The following PTPN18 variants were observed in gnomAD, a reference collection of about 807,000 sequenced individuals.
PTPN18 encodes protein tyrosine phosphatase non-receptor type 18.
PTPN18 carries 65 observed loss-of-function variants against 65.4 expected under a neutral mutation model. That is an observed-to-expected ratio of 0.99 (90% CI 0.81 to 1.22). PTPN18 has a LOEUF of 1.22. Among genes scored for constraint, PTPN18 ranks in the 50% most tolerant of loss-of-function variants. The probability of loss-of-function intolerance (pLI) is 0.00; values close to 1 mark genes in which losing one functional copy is unlikely to be tolerated. For synonymous variants in PTPN18, 255 were observed against 267.8 expected, an observed-to-expected ratio of 0.95 and a Z score of 0.47; for missense variants, 616 against 646.5, an observed-to-expected ratio of 0.95 and a Z score of 0.51.
chr2:130,372,785 C>A, intron 13 of PTPN18, 88 bp from the exon 14 acceptor site: 2 of 1,490,700 alleles, frequency 1.3e-6, no homozygotes, highest in Non-Finnish European at 9.2e-7. Flanking sequence ...CCCCTTCGGG[C>A]CTCCGGGGAA....
At chr2:130,369,917 C>T in intron 7 of PTPN18, 90 bp downstream of exon 7, 1 of 1,539,430 alleles carries the variant, frequency 6.5e-7, no homozygotes, top group Admixed American at 1.7e-5. Flanking sequence ...CTAGTACCCA[C>T]TTCCTCAGTT....
Position 130,356,162 on chromosome 2 carries a change from G to A in PTPN18, c.55G>A (p.Gly19Ser). 1.5e-6 allele frequency: 2 copies of A among 1,314,520 alleles called. No individual in the cohort carries two copies. Among genetic ancestry groups the A allele is most frequent in the Non-Finnish European group, 1.9e-6 (2 of 1,036,566 alleles). 81.4% of individuals were successfully genotyped at this position (1,314,520 alleles called of 1,614,324 possible). A position where few individuals can be genotyped will look rare whatever the true frequency, so the allele number is the denominator to read the frequency against. The change falls in exon 1 of 15, where the codon GGC becomes AGC. Residue 19 changes from glycine (G) to serine (S), a missense_variant. This residue lies in a region of PTPN18 where 223 missense variants were observed against 210.0 expected (regional missense o/e 1.06). Transcript: ENST00000175756. ...RSFLERLEAR[G>S]GREGAVLAGE... ...CTTCCTGGAGCGGCTGGAAGCGCGGGGCGGCCGGGAGGGGGCAGTCCTCGC... is the reference window on the plus strand; with the variant it reads ...CTTCCTGGAGCGGCTGGAAGCGCGGAGCGGCCGGGAGGGGGCAGTCCTCGC...
chr2:130,368,565 C>G (rs959224548), intron 5 of PTPN18, among the ~76,000 whole-genome samples: 1 of 152,160 alleles, frequency 6.6e-6, no homozygotes, highest in Non-Finnish European at 1.5e-5. Flanking sequence ...GTAAGTTATT[C>G]TTGCCTGGCC....
rs57039741 is a variant in PTPN18 at position 130,367,050 on chromosome 2, ATTT to A, written c.415-2057_415-2055del. On this transcript the variant is annotated intron_variant, in intron 5 of 14. Transcript: ENST00000175756. The stretch of plus-strand genomic sequence containing the variant: ...TTGCCAACACACCTAGCTAATTTTA[ATTT>A]TTTTTTTTTTTTTTTTTTTTTTTTT... Among the ~76,000 whole-genome samples, 453 of 104,172 alleles carry A rather than the reference ATTT, an allele frequency of 4.3e-3. 4 individuals carry two copies. Among genetic ancestry groups the A allele is most frequent in the African/African-American group, 0.014 (376 of 27,810 alleles). The allele number at this position is 104,172 out of a possible 152,430, so 68.3% of individuals were successfully genotyped here.
chr2:130,361,557 TCTTTCTTTC>T lies in PTPN18; in HGVS notation c.414+1939_414+1947del, dbSNP rs1553458554. Among the ~76,000 whole-genome samples the T allele has an allele frequency of 6.4e-4, 50 of 78,560 alleles. No individual in the cohort carries two copies. In the South Asian group the frequency reaches 0.013, roughly 20 times the overall value. 51.5% of individuals were successfully genotyped at this position (78,560 alleles called of 152,430 possible). On this transcript the variant is annotated intron_variant, in intron 5 of 14. Transcript: ENST00000175756. ...TTCTTTCTTTCTTTCTTTCTTTCTT[TCTTTCTTTC>T]CTTTCTTTCCTTTCTTTCCTTTCTT...
intron 5 of PTPN18, chr2:130,362,221 C>T (rs1048099281): frequency 2.4e-5 from 11 of 465,022 alleles, no homozygotes; most frequent in Non-Finnish European, 4.4e-5. Context: ...CCTTCCACCT[C>T]GGCCTCCCAA....
In PTPN18 at chr2:130,375,142, CTGGTGAGG is replaced by C. The variant is rs1169469486; in HGVS notation, c.*1920_*1927del. ...CCCTGCCACTCCTGTGAGCCTGCTG[CTGGTGAGG>C]TCGGTGCTGACCTCTGTGTTGCTGG... On this transcript the variant is annotated 3_prime_UTR_variant, in exon 15 of 15. Coordinates refer to ENST00000175756, the MANE Select transcript of PTPN18 (RefSeq NM_014369.4). The C allele has an allele frequency of 5.7e-6, 1 of 175,240 alleles. No homozygotes were observed. Among genetic ancestry groups the C allele is most frequent in the Non-Finnish European group, 1.2e-5 (1 of 82,004 alleles). The allele number at this position is 175,240 out of a possible 1,614,324, so 10.9% of individuals were successfully genotyped here.
At chr2:130,372,699 C>G in intron 13 of PTPN18, 174 bp from the exon 14 acceptor site, 1 of 972,500 alleles carries the variant, frequency 1.0e-6, no homozygotes, top group Non-Finnish European at 1.5e-6. Context: ...CCTGGCAATA[C>G]TTGTCTTGGC....
Position 130,373,340 on chromosome 2 carries a change from C to T in PTPN18, c.*116C>T, listed in dbSNP as rs1311737444. 4 of 1,122,438 alleles carry T rather than the reference C, an allele frequency of 3.6e-6. No homozygotes were observed. Among genetic ancestry groups the T allele is most frequent in the Non-Finnish European group, 4.9e-6 (4 of 812,066 alleles). 69.5% of individuals were successfully genotyped at this position (1,122,438 alleles called of 1,614,324 possible). The stretch of plus-strand genomic sequence containing the variant: ...TGGGCCTGGATCAAAGTTAAAGTTT[C>T]TCAGGGTGGGAAATGTGGGGGCTTT... On this transcript the variant is annotated 3_prime_UTR_variant, in exon 15 of 15. Coordinates refer to ENST00000175756, the MANE Select transcript of PTPN18 (RefSeq NM_014369.4). This position sits in a 1 kb window ranked among gnomAD's most constrained non-coding sequence, Gnocchi z 4.1.
At chr2:130,356,394 C>G (rs912386222) in intron 1 of PTPN18, among the ~76,000 whole-genome samples, 194 bp downstream of exon 1, 1 of 152,192 alleles carries the variant, frequency 6.6e-6, no homozygotes, top group Non-Finnish European at 1.5e-5. Context: ...TCTCTGCCCC[C>G]CGGCCCCGGA....
intron 5 of PTPN18, among the ~76,000 whole-genome samples, chr2:130,367,936 CTTTTTCATT>C (rs1680438195): frequency 6.6e-6 from 1 of 152,012 alleles, no homozygotes; most frequent in South Asian, 2.1e-4. Context: ...AGAACTGATT[CTTTTTCATT>C]TTTTTCATTT....
chr2:130,369,034 C>A, intron 5 of PTPN18, 99 bp from the exon 6 acceptor site: 1 of 1,005,742 alleles, frequency 9.9e-7, no homozygotes, highest in Non-Finnish European at 1.5e-6. Flanking sequence ...GCCTGTGCTT[C>A]CACCACGAGC....
At chr2:130,368,725 G>C (rs1489482802) in intron 5 of PTPN18, among the ~76,000 whole-genome samples, 1 of 152,088 alleles carries the variant, frequency 6.6e-6, no homozygotes, top group Non-Finnish European at 1.5e-5. Flanking sequence ...TTGCCTCCTT[G>C]AGCCATGGTC....
At chr2:130,370,419 C>G in intron 8 of PTPN18, 138 bp from the exon 9 acceptor site, 2 of 1,191,500 alleles carry the variant, frequency 1.7e-6, no homozygotes, top group Non-Finnish European at 2.4e-6. Context: ...TTTCCTTGTT[C>G]AGATATAATC....
intron 5 of PTPN18, among the ~76,000 whole-genome samples, chr2:130,364,820 A>AC (rs1340941968): frequency 6.6e-6 from 1 of 152,150 alleles, no homozygotes; most frequent in East Asian, 1.9e-4. Flanking sequence ...AACAACAACA[A>AC]AAAATTGGTA....
rs776321539 is a variant in PTPN18 at position 130,359,293 on chromosome 2, A to G, written c.263A>G (p.Asn88Ser). 5.0e-6 allele frequency: 8 copies of G among 1,614,120 alleles called. No homozygotes were observed. The South Asian group carries it at 8.8e-5, about 18-fold the overall frequency. The part of the protein sequence containing the change: ...LQEEGHSDYI[N>S]GNFIRGVDGS... ...GAAGAGGGACACAGCGACTACATTA[A>G]TGGCAACTTCATCCGGGTGAGGGTT... is the stretch of plus-strand genomic sequence containing the variant. The change falls in exon 3 of 15, where the codon AAT becomes AGT. Residue 88 changes from asparagine (N) to serine (S), a missense_variant. Asn to Ser is a conservative substitution (Grantham distance 46). Coordinates refer to ENST00000175756, the MANE Select transcript of PTPN18 (RefSeq NM_014369.4).
chr2:130,375,063 TTC>T lies in PTPN18; in HGVS notation c.*1843_*1844del, dbSNP rs1213567010. The T allele has an allele frequency of 1.0e-5, 2 of 199,706 alleles. No homozygotes were observed. Among genetic ancestry groups the T allele is most frequent in the African/African-American group, 2.3e-5 (1 of 43,444 alleles). 12.4% of individuals were successfully genotyped at this position (199,706 alleles called of 1,614,324 possible). A position where few individuals can be genotyped will look rare whatever the true frequency, so the allele number is the denominator to read the frequency against. On this transcript the variant is annotated 3_prime_UTR_variant, in exon 15 of 15. Coordinates refer to ENST00000175756, the MANE Select transcript of PTPN18 (RefSeq NM_014369.4). Reference sequence around the variant, plus strand: ...TACTCCCACTCTAGAGCTGCCCCGTTTCTCTGTTTTCGTGAAAGAGCTGACCC... The same window carrying T: ...TACTCCCACTCTAGAGCTGCCCCGTTTCTGTTTTCGTGAAAGAGCTGACCC...
chr2:130,358,846 C>T, intron 1 of PTPN18, 21 bp from the exon 2 acceptor site: 1 of 1,592,452 alleles, frequency 6.3e-7, no homozygotes. Flanking sequence ...CCTCCCTGAC[C>T]CACTCATAAT....
In PTPN18 at chr2:130,359,228, G is replaced by A. The variant is rs1435162617; in HGVS notation, c.203-5G>A. ...CTCCACGTTTCTCACCTTATCTGCT[G>A]ACAGATGATCAGACGCGAGTAATCC... On this transcript the variant is annotated splice_region_variant and splice_polypyrimidine_tract_variant and intron_variant, in intron 2 of 14. Coordinates refer to ENST00000175756, the MANE Select transcript of PTPN18 (RefSeq NM_014369.4). 9 of 1,613,972 alleles carry A rather than the reference G, an allele frequency of 5.6e-6. No individual in the cohort carries two copies. Among genetic ancestry groups the A allele is most frequent in the Admixed American group, 3.3e-5 (2 of 60,030 alleles).
Sources: gnomAD v4.1 joint callset for allele counts (sites outside exome capture counted in the v4.1 genomes callset) on GRCh38, gnomAD v4.1.1 for gene constraint, gnomAD v4.1.1 regional missense constraint, Gnocchi (gnomAD v3.1) non-coding constraint, MANE v1.5 for transcripts, NCBI Gene and HGNC (gene_info 2026-07-23, HGNC 2026-07-21) for gene names.